COL27A1: variants seen among roughly 807,000 people sequenced by gnomAD.
The protein encoded by COL27A1 is collagen type XXVII alpha 1 chain, also known as collagen alpha-1(XXVII) chain.
Under a neutral mutation model 251.3 loss-of-function variants are expected in COL27A1, and 106 were observed. The observed-to-expected ratio is 0.42, with a 90% confidence interval of 0.36 to 0.50. COL27A1 has a LOEUF of 0.50. Ranked by LOEUF, COL27A1 falls within the 20% of genes least tolerant of loss-of-function variation. The probability of loss-of-function intolerance (pLI) is 0.00; values close to 1 mark genes in which losing one functional copy is unlikely to be tolerated. For missense variants in COL27A1, 2,325 were observed against 2,522.8 expected, an observed-to-expected ratio of 0.92 and a Z score of 1.68; for synonymous variants, 1,000 against 986.3, an observed-to-expected ratio of 1.01 and a Z score of -0.26.
chr9:114,224,411 T>G (rs910978211), intron 14 of COL27A1, among the ~76,000 whole-genome samples: 1 of 152,054 alleles, frequency 6.6e-6, no homozygotes. Flanking sequence ...CTGTTTGAGG[T>G]GTAAAATGGT....
At position 114,206,132 on chromosome 9, in the gene COL27A1, AC is replaced by A. The variant is rs949042454; in HGVS notation, c.2224-116del. On this transcript the variant is annotated intron_variant, in intron 9 of 60. Transcript: ENST00000356083. The stretch of plus-strand genomic sequence containing the variant: ...GGTCAGGCCAAAGATCGCTGATCTA[AC>A]CCCACCCCCATTCTACAAAGAGAGC... 1.1e-4 allele frequency: 108 copies of A among 997,654 alleles called. No homozygotes were observed. In the African/African-American group the frequency reaches 1.6e-3, roughly 14 times the overall value. The allele number at this position is 997,654 out of a possible 1,614,324, so 61.8% of individuals were successfully genotyped here.
At position 114,241,328 on chromosome 9, in the gene COL27A1, A is replaced by G. The variant is rs547342287; in HGVS notation, c.2835+841A>G. 9.9e-4 allele frequency among the ~76,000 whole-genome samples: 151 copies of G among 152,374 alleles called. 1 individual carries two copies. Among genetic ancestry groups the G allele is most frequent in the African/African-American group, 3.3e-3 (138 of 41,592 alleles). The stretch of plus-strand genomic sequence containing the variant: ...GACCGCAGGCGGGCATCCAGCTGAC[A>G]TGGATCCCTTCTCGGGCTGGCTCTG... On this transcript the variant is annotated intron_variant, in intron 21 of 60. Transcript: ENST00000356083.
At position 114,283,762 on chromosome 9, in the gene COL27A1, T is replaced by C; in HGVS notation, c.3933T>C (p.Asp1311=). ...GAGAACCGGGACTGGCTGGTTATGA[T>C]GTAAGCAGATATCACCTCACCCCAC... ...AQGEPGLAGY[D]GHKGIVGPLG... Residue 1311 remains aspartate, a splice_region_variant and synonymous_variant, in exon 40 of 61, where the codon GAT becomes GAC. Coordinates refer to ENST00000356083, the MANE Select transcript of COL27A1 (RefSeq NM_032888.4). 6.2e-7 allele frequency: 1 copy of C among 1,614,056 alleles called. No individual in the cohort carries two copies. The highest frequency in any genetic ancestry group is 8.5e-7 in the Non-Finnish European group (1 of 1,179,980).
chr9:114,222,898 A>T (rs1012691457), intron 14 of COL27A1, among the ~76,000 whole-genome samples: 1 of 152,188 alleles, frequency 6.6e-6, no homozygotes, highest in Admixed American at 6.5e-5. Flanking sequence ...GAGGCATCAT[A>T]TGTGTAGTCC....
At position 114,167,684 on chromosome 9, in the gene COL27A1, C is replaced by G; in HGVS notation, c.134-5C>G. 2 of 1,605,218 alleles carry G rather than the reference C, an allele frequency of 1.2e-6. No individual in the cohort carries two copies. Among genetic ancestry groups the G allele is most frequent in the Non-Finnish European group, 1.7e-6 (2 of 1,174,214 alleles). The stretch of plus-strand genomic sequence containing the variant: ...GCGTCCTCTCCCCTTTTCCCTCCCT[C>G]TCAGATGTGGACATCCTCCAGCGGC... On this transcript the variant is annotated splice_polypyrimidine_tract_variant and splice_region_variant and intron_variant, in intron 2 of 60. Coordinates refer to ENST00000356083, the MANE Select transcript of COL27A1 (RefSeq NM_032888.4).
At chr9:114,251,006 G>A (rs759029213) in intron 25 of COL27A1, among the ~76,000 whole-genome samples, 4 of 152,194 alleles carry the variant, frequency 2.6e-5, no homozygotes, top group Non-Finnish European at 4.4e-5. Flanking sequence ...GAGGAAAGAT[G>A]AGGTTGCCTT....
Position 114,282,583 on chromosome 9 carries a change from G to C in COL27A1, c.3879+19G>C, listed in dbSNP as rs1397054702. On this transcript the variant is annotated intron_variant, in intron 39 of 60. Transcript: ENST00000356083. ...ACCAACGGTGAGGACTCTCTGGCTG[G>C]GGTGGGGGAGTCAGATGTGGAATAG... is the stretch of plus-strand genomic sequence containing the variant. 4.8e-6 allele frequency: 7 copies of C among 1,447,950 alleles called. No individual in the cohort carries two copies. The highest frequency in any genetic ancestry group is 6.5e-6 in the Non-Finnish European group (7 of 1,081,678). The allele number at this position is 1,447,950 out of a possible 1,614,324, so 89.7% of individuals were successfully genotyped here. A position where few individuals can be genotyped will look rare whatever the true frequency, so the allele number is the denominator to read the frequency against.
intron 29 of COL27A1, among the ~76,000 whole-genome samples, 200 bp downstream of exon 29, chr9:114,264,608 A>T (rs1358369758): frequency 6.6e-6 from 1 of 152,066 alleles, no homozygotes; most frequent in East Asian, 1.9e-4. Flanking sequence ...AGAAAGCAAG[A>T]AAGGAGGAGG....
chr9:114,310,060 GAGCTA>G (rs1829338578), intron 60 of COL27A1, among the ~76,000 whole-genome samples: 1 of 152,096 alleles, frequency 6.6e-6, no homozygotes, highest in African/African-American at 2.4e-5. Context: ...ATTTTCAGGG[GAGCTA>G]AGCTATGAAG....
In COL27A1 at chr9:114,168,777, C is replaced by T; in HGVS notation, c.1222C>T (p.Pro408Ser). The change falls in exon 3 of 61, where the codon CCA becomes TCA. Residue 408 changes from proline to serine, a missense_variant. This residue lies in a region of COL27A1 where 1,183 missense variants were observed against 1,144.1 expected (regional missense o/e 1.03). Transcript: ENST00000356083. ...AGCCCTACCCACTCAGAAGCAAGTG[C>T]CACCTACTTCCCGTCCAGTTCCTGC... is the stretch of plus-strand genomic sequence containing the variant. ...KSALPTQKQV[P>S]PTSRPVPARV... The T allele has an allele frequency of 3.1e-6, 5 of 1,614,036 alleles. No homozygotes were observed. Among genetic ancestry groups the T allele is most frequent in the Non-Finnish European group, 4.2e-6 (5 of 1,180,026 alleles).
Position 114,231,870 on chromosome 9 carries a change from A to T in COL27A1, c.2565+4A>T. On this transcript the variant is annotated splice_donor_region_variant and intron_variant, in intron 16 of 60. Coordinates refer to ENST00000356083, the MANE Select transcript of COL27A1 (RefSeq NM_032888.4). ...GCCCGGACTGAAAGGTGATAAGGTG[A>T]TCTGAATACTCCCTTATTGCACTGT... 6.2e-7 allele frequency: 1 copy of T among 1,613,610 alleles called. No individual in the cohort carries two copies. The highest frequency in any genetic ancestry group is 8.5e-7 in the Non-Finnish European group (1 of 1,179,558).
At chr9:114,193,231 C>G (rs552390666) in intron 5 of COL27A1, among the ~76,000 whole-genome samples, 1 of 152,294 alleles carries the variant, frequency 6.6e-6, no homozygotes, top group East Asian at 1.9e-4. Flanking sequence ...ACAGGGTGGA[C>G]TGACTTTCCA....
intron 59 of COL27A1, among the ~76,000 whole-genome samples, 199 bp downstream of exon 59, chr9:114,307,977 C>A (rs1829176526): frequency 6.6e-6 from 1 of 152,176 alleles, no homozygotes; most frequent in Non-Finnish European, 1.5e-5. Context: ...AACCACAAAC[C>A]CTTTCGAGTC....
intron 18 of COL27A1, 24 bp downstream of exon 18, chr9:114,237,058 C>T: frequency 3.2e-6 from 5 of 1,580,610 alleles, no homozygotes; most frequent in Non-Finnish European, 4.3e-6. Context: ...CCTCCAGCAC[C>T]CCCAAACCTC....
chr9:114,188,798 A>G (rs555135621), intron 5 of COL27A1, among the ~76,000 whole-genome samples: 3 of 152,312 alleles, frequency 2.0e-5, no homozygotes, highest in Non-Finnish European at 4.4e-5. Flanking sequence ...AAGATAATTT[A>G]TTATCATTTT....
intron 28 of COL27A1, among the ~76,000 whole-genome samples, chr9:114,263,510 T>G (rs906713676): frequency 1.2e-4 from 19 of 152,148 alleles, no homozygotes; most frequent in African/African-American, 4.6e-4. Context: ...CCAGCCCATC[T>G]GCGTCTCTGT....
Position 114,168,956 on chromosome 9 carries a change from TGCCAGTAA to T in COL27A1, c.1405_1412del (p.Ser469GlyfsTer105). On this transcript the variant is annotated frameshift_variant, in exon 3 of 61. Coordinates refer to ENST00000356083, the MANE Select transcript of COL27A1 (RefSeq NM_032888.4). LOFTEE classifies it high-confidence loss of function. ...GGACTGAGGCCAAGATAACCAGCCA[TGCCAGTAA>T]GCCGGCCTCTGCCCGCACCAGCACC... The T allele has an allele frequency of 6.2e-7, 1 of 1,614,056 alleles. No homozygotes were observed. The highest frequency in any genetic ancestry group is 8.5e-7 in the Non-Finnish European group (1 of 1,180,014).
intron 55 of COL27A1, 39 bp downstream of exon 55, chr9:114,301,756 G>A (rs576119485): frequency 1.1e-5 from 18 of 1,598,854 alleles, no homozygotes; most frequent in African/African-American, 9.4e-5. Context: ...GGACTCCTGG[G>A]GGGTTCCTTT....
At chr9:114,156,852 G>A (rs1848153197) in intron 1 of COL27A1, among the ~76,000 whole-genome samples, 1 of 152,016 alleles carries the variant, frequency 6.6e-6, no homozygotes, top group Non-Finnish European at 1.5e-5. Flanking sequence ...GTGTGTGTGG[G>A]AGCCAGCAGC....
Sources: gnomAD v4.1 joint callset for allele counts (sites outside exome capture counted in the v4.1 genomes callset) on GRCh38, gnomAD v4.1.1 for gene constraint, gnomAD v4.1.1 regional missense constraint, MANE v1.5 for transcripts, NCBI Gene and HGNC (gene_info 2026-07-23, HGNC 2026-07-21) for gene names.